MALL: variants seen among roughly 807,000 people sequenced by gnomAD.
The protein encoded by MALL is MAL-like protein.
A neutral mutation model predicts 10.3 loss-of-function variants in MALL; 2 were observed. That is an observed-to-expected ratio of 0.19 (90% CI 0.08 to 0.61). The LOEUF is 0.61. Among genes scored for constraint, MALL ranks in the 20% least tolerant of loss-of-function variants. The probability of loss-of-function intolerance (pLI) is 0.88; values close to 1 mark genes in which losing one functional copy is unlikely to be tolerated. For missense variants in MALL, 39 were observed against 115.2 expected, an observed-to-expected ratio of 0.34 and a Z score of 3.03; for synonymous variants, 27 against 51.8, an observed-to-expected ratio of 0.52 and a Z score of 2.05.
intron 1 of MALL, among the ~76,000 whole-genome samples, chr2:110,108,731 C>T (rs1019091805): frequency 6.6e-6 from 1 of 152,172 alleles, no homozygotes; most frequent in Non-Finnish European, 1.5e-5. Flanking sequence ...TGCCTAGGCA[C>T]ATTGTCATCA....
chr2:110,104,379 C>T (rs931535200), intron 1 of MALL, among the ~76,000 whole-genome samples: 24 of 152,282 alleles, frequency 1.6e-4, no homozygotes, highest in African/African-American at 5.3e-4. Context: ...ACAGGCACAG[C>T]GCCTTTACAG....
intron 1 of MALL, among the ~76,000 whole-genome samples, chr2:110,101,519 G>A (rs1389529905): frequency 1.3e-5 from 2 of 152,118 alleles, no homozygotes; most frequent in East Asian, 3.9e-4. Flanking sequence ...ACTCGCGTCC[G>A]CAGCTGCTCC....
chr2:110,099,150 T>C (rs1055879404), intron 1 of MALL, among the ~76,000 whole-genome samples: 5 of 152,142 alleles, frequency 3.3e-5, no homozygotes, highest in African/African-American at 1.2e-4. Context: ...TTTGGTTCTG[T>C]TCATGCAAAA....
At chr2:110,096,661 A>T (rs1033723394) in intron 1 of MALL, among the ~76,000 whole-genome samples, 2 of 151,360 alleles carry the variant, frequency 1.3e-5, no homozygotes, top group Non-Finnish European at 2.9e-5. Context: ...GAGGGCACAG[A>T]CTCTTCTTAT....
chr2:110,106,871 G>C (rs780883367), intron 1 of MALL, among the ~76,000 whole-genome samples: 1 of 152,140 alleles, frequency 6.6e-6, no homozygotes, highest in Admixed American at 6.5e-5. Flanking sequence ...ACCACGGAAC[G>C]CTACTTAGCA....
chr2:110,110,657 C>G (rs1678784457), intron 1 of MALL, among the ~76,000 whole-genome samples: 1 of 152,058 alleles, frequency 6.6e-6, no homozygotes, highest in Non-Finnish European at 1.5e-5. Context: ...GAATTGGTAC[C>G]AATCCTTTTG....
chr2:110,110,500 C>T (rs1460816092), intron 1 of MALL, among the ~76,000 whole-genome samples: 1 of 152,030 alleles, frequency 6.6e-6, no homozygotes, highest in Non-Finnish European at 1.5e-5. Context: ...AAAAATACAA[C>T]CCTCCTAGCT....
At chr2:110,101,716 G>A (rs1470934503) in intron 1 of MALL, among the ~76,000 whole-genome samples, 3 of 152,096 alleles carry the variant, frequency 2.0e-5, no homozygotes, top group African/African-American at 7.2e-5. Context: ...CGCCCATTCA[G>A]ACTGATTGCC....
At chr2:110,100,132 T>A (rs1678531734) in intron 1 of MALL, among the ~76,000 whole-genome samples, 1 of 151,852 alleles carries the variant, frequency 6.6e-6, no homozygotes. Flanking sequence ...AAACTATGAG[T>A]GAGACTCATT....
chr2:110,095,644 G>A (rs1033017), intron 1 of MALL, among the ~76,000 whole-genome samples: 1 of 151,728 alleles, frequency 6.6e-6, no homozygotes, highest in African/African-American at 2.4e-5. Context: ...ATTTAACGAT[G>A]TAGTGTGAAC....
chr2:110,097,393 T>C (rs1678467853), intron 1 of MALL: 1 of 446,370 alleles, frequency 2.2e-6, no homozygotes, highest in Non-Finnish European at 4.5e-6. Flanking sequence ...AAATAATATG[T>C]AAATTTAAAA....
chr2:110,105,912 A>G lies in MALL; in HGVS notation c.105+9776T>C, dbSNP rs908295952. On this transcript the variant is annotated intron_variant, in intron 1 of 3. Transcript: ENST00000272462. ...TCCATATAAACAGAGTAGAAGCAGCAGCAGGTTGGAATGAAGGTGGTACTG... is the reference window on the plus strand; with the variant it reads ...TCCATATAAACAGAGTAGAAGCAGCGGCAGGTTGGAATGAAGGTGGTACTG... Among the ~76,000 whole-genome samples the G allele has an allele frequency of 5.9e-5, 9 of 152,204 alleles. No individual in the cohort carries two copies. In the East Asian group the frequency reaches 1.7e-3, roughly 29 times the overall value.
intron 1 of MALL, among the ~76,000 whole-genome samples, chr2:110,112,323 C>A (rs922636128): frequency 6.6e-5 from 10 of 152,138 alleles, no homozygotes; most frequent in Non-Finnish European, 4.4e-5. Flanking sequence ...AAAATCTTCG[C>A]AATCTGTACA....
intron 1 of MALL, among the ~76,000 whole-genome samples, chr2:110,097,254 G>A (rs181115093): frequency 2.0e-5 from 3 of 152,132 alleles, no homozygotes; most frequent in Non-Finnish European, 2.9e-5. Context: ...TTTGTTGTGG[G>A]TGAACAGAAT....
chr2:110,107,679 C>G (rs375198852), intron 1 of MALL, among the ~76,000 whole-genome samples: 2 of 152,204 alleles, frequency 1.3e-5, no homozygotes, highest in Non-Finnish European at 2.9e-5. Flanking sequence ...CCTCTCCATA[C>G]TACTACAGCT....
chr2:110,117,622 TGTGAGAGAGAGA>T (rs1247162826), upstream of MALL, among the ~76,000 whole-genome samples: 33 of 120,724 alleles, frequency 2.7e-4, no homozygotes, highest in African/African-American at 9.5e-4. Flanking sequence ...TGTGTGTGTG[TGTGAGAGAGAGA>T]GAGAGAGAGA....
At chr2:110,105,621 G>A (rs561686651) in intron 1 of MALL, among the ~76,000 whole-genome samples, 10 of 152,188 alleles carry the variant, frequency 6.6e-5, no homozygotes, top group Non-Finnish European at 1.3e-4. Flanking sequence ...ATAAACTGGG[G>A]TAAATTGAGT....
chr2:110,097,578 G>C (rs1340337396), intron 1 of MALL: 2 of 456,266 alleles, frequency 4.4e-6, no homozygotes, highest in Non-Finnish European at 4.4e-6. Context: ...GAGGTTCTGA[G>C]ACAGACGCTG....
chr2:110,114,727 G>C (rs922927595), intron 1 of MALL, among the ~76,000 whole-genome samples: 9 of 151,390 alleles, frequency 5.9e-5, no homozygotes, highest in African/African-American at 2.2e-4. Flanking sequence ...AATGAGAAGG[G>C]CTGAAAAGTA....
Sources: gnomAD v4.1 joint callset for allele counts (sites outside exome capture counted in the v4.1 genomes callset) on GRCh38, gnomAD v4.1.1 for gene constraint, MANE v1.5 for transcripts, NCBI Gene and HGNC (gene_info 2026-07-23, HGNC 2026-07-21) for gene names.